The following ARSF variants were observed in gnomAD, a reference collection of about 807,000 sequenced individuals.
The protein encoded by ARSF is arylsulfatase F.
ARSF carries 33 observed loss-of-function variants against 35.4 expected under a neutral mutation model. That is an observed-to-expected ratio of 0.93 (90% CI 0.71 to 1.25). The LOEUF (loss-of-function observed/expected upper bound fraction) is 1.25. Among genes scored for constraint, ARSF ranks in the 50% most tolerant of loss-of-function variants. The probability of loss-of-function intolerance (pLI) is 0.00; values close to 1 mark genes in which losing one functional copy is unlikely to be tolerated. For synonymous variants in ARSF, 222 were observed against 193.1 expected (o/e 1.15, Z -1.24); for missense variants, 501 against 480.2 (o/e 1.04, Z -0.40).
At chrX:3,076,336 G>T (rs2090149256) in intron 3 of ARSF, among the ~76,000 whole-genome samples, 1 of 104,472 alleles carries the variant, frequency 9.6e-6, no homozygotes, top group Non-Finnish European at 2.0e-5. Context: ...TTTCTCGTTT[G>T]TCTCTCTCTC....
chrX:3,080,920 A>G lies in ARSF; in HGVS notation c.313A>G (p.Ile105Val), dbSNP rs183383325. 21 of 1,210,105 alleles carry G rather than the reference A, an allele frequency of 1.7e-5. 1 individual carries two copies. The African/African-American group carries it at 3.3e-4, about 19-fold the overall frequency. Residue 105 changes from isoleucine (I) to valine (V), a missense_variant, in exon 5 of 11, where the codon ATC becomes GTC. Physicochemically the swap from Ile to Val is conservative, Grantham distance 29. Coordinates refer to ENST00000381127, the MANE Select transcript of ARSF (RefSeq NM_001201539.2). Reference protein sequence around the residue: ...GMVSSGNRRVIQNLAVPAGLP... With the variant: ...GMVSSGNRRVVQNLAVPAGLP... Reference sequence around the variant, plus strand: ...GGTTTCTAGTGGTAATAGACGTGTCATCCAAAATCTTGCAGTCCCCGCAGG... The same window carrying G: ...GGTTTCTAGTGGTAATAGACGTGTCGTCCAAAATCTTGCAGTCCCCGCAGG...
In ARSF at chrX:3,081,020, C is replaced by T. The variant is rs371667500; in HGVS notation, c.406+7C>T. Reference sequence around the variant, plus strand: ...TACAGCACGGGGCTTATAGGTAAGACACAAGAATTGGTGTTAGTCATTGAT... The same window carrying T: ...TACAGCACGGGGCTTATAGGTAAGATACAAGAATTGGTGTTAGTCATTGAT... On this transcript the variant is annotated splice_region_variant and intron_variant, in intron 5 of 10. Transcript: ENST00000381127. 8.9e-5 allele frequency: 108 copies of T among 1,206,826 alleles called. No individual in the cohort carries two copies. The highest frequency in any genetic ancestry group is 4.3e-4 in the South Asian group (24 of 56,059).
chrX:3,104,877 T>C (rs781366636), intron 9 of ARSF, among the ~76,000 whole-genome samples: 1 of 112,086 alleles, frequency 8.9e-6, no homozygotes, highest in African/African-American at 3.2e-5. Flanking sequence ...ATAATCCTAG[T>C]CTCTGGTGTG....
intron 10 of ARSF, 148 bp downstream of exon 10, chrX:3,110,400 T>G (rs2090437402): frequency 3.1e-6 from 2 of 655,427 alleles, no homozygotes; most frequent in African/African-American, 4.6e-5. Context: ...TTCTCAGAAT[T>G]GCTCTTCTGC....
At position 3,112,357 on chromosome X, in the gene ARSF, C is replaced by T; in HGVS notation, c.1574C>T (p.Pro525Leu). ...ESTPLTPATE[P>L]LHDFVIKKVA... The stretch of plus-strand genomic sequence containing the variant: ...ACACCCCTGACACCTGCCACAGAGC[C>T]CCTCCATGATTTTGTGATTAAAAAG... The change falls in exon 11 of 11, where the codon CCC (proline) becomes CTC (leucine). Residue 525 changes from proline (P) to leucine (L), a missense_variant. Transcript: ENST00000381127. 1 of 1,211,344 alleles carries T rather than the reference C, an allele frequency of 8.3e-7. No homozygotes were observed. Among genetic ancestry groups the T allele is most frequent in the Non-Finnish European group, 1.1e-6 (1 of 895,404 alleles).
chrX:3,075,454 T>A (rs1193290952), intron 3 of ARSF, among the ~76,000 whole-genome samples: 1 of 103,040 alleles, frequency 9.7e-6, no homozygotes, highest in Non-Finnish European at 2.0e-5. Context: ...TTTCTATGCC[T>A]ATGCGTGTCT....
In ARSF at chrX:3,101,067, T is replaced by C. The variant is rs756439112; in HGVS notation, c.968-20T>C. The C allele has an allele frequency of 1.4e-5, 17 of 1,201,186 alleles. No homozygotes were observed. Among genetic ancestry groups the C allele is most frequent in the Non-Finnish European group, 1.6e-5 (14 of 889,073 alleles). ...CTCATAATGTCATTATTTTTACTTG[T>C]CTCTTGTATATTATTTTAGGCAAGA... On this transcript the variant is annotated intron_variant, in intron 7 of 10. Coordinates refer to ENST00000381127, the MANE Select transcript of ARSF (RefSeq NM_001201539.2).
intron 2 of ARSF, among the ~76,000 whole-genome samples, chrX:3,071,396 C>G (rs970998456): frequency 9.0e-6 from 1 of 110,520 alleles, no homozygotes; most frequent in African/African-American, 3.3e-5. Context: ...CTCCGCCTCC[C>G]GGGTTCAAGT....
chrX:3,085,977 C>T (rs1207478124), intron 6 of ARSF, among the ~76,000 whole-genome samples: 3 of 110,268 alleles, frequency 2.7e-5, no homozygotes, highest in Non-Finnish European at 5.7e-5. Context: ...GCTGAGATCA[C>T]GCCATTGCAC....
chrX:3,047,367 A>G (rs2089979670), intron 1 of ARSF, among the ~76,000 whole-genome samples: 1 of 110,290 alleles, frequency 9.1e-6, no homozygotes, highest in Admixed American at 9.8e-5. Context: ...TTTGGTAGAG[A>G]TGGAATTTCA....
chrX:3,076,948 A>C (rs1481775991), intron 4 of ARSF, among the ~76,000 whole-genome samples: 1 of 111,639 alleles, frequency 9.0e-6, no homozygotes, highest in Non-Finnish European at 1.9e-5. Context: ...TGGGAGGCTG[A>C]AGTGGGAGGA....
chrX:3,110,217 A>G lies in ARSF; in HGVS notation c.1355A>G (p.Tyr452Cys), dbSNP rs766917752. ...TTTCTTTTCCACTACTGTGGCTCCTACCTGCACGCCGTGCGGTGGATCCCC... is the reference window on the plus strand; with the variant it reads ...TTTCTTTTCCACTACTGTGGCTCCTGCCTGCACGCCGTGCGGTGGATCCCC... ...HEFLFHYCGS[Y>C]LHAVRWIPKD... Residue 452 changes from tyrosine to cysteine, a missense_variant, in exon 10 of 11, where the codon TAC (tyrosine) becomes TGC (cysteine). By Grantham distance (194) the Tyr-to-Cys change is radical (BLOSUM62 -2). Coordinates refer to ENST00000381127, the MANE Select transcript of ARSF (RefSeq NM_001201539.2). 1 of 1,198,108 alleles carries G rather than the reference A, an allele frequency of 8.3e-7. No homozygotes were observed. The highest frequency in any genetic ancestry group is 2.2e-5 in the Admixed American group (1 of 44,913).
chrX:3,042,844 A>G (rs1449990765), intron 1 of ARSF, among the ~76,000 whole-genome samples: 1 of 110,941 alleles, frequency 9.0e-6, no homozygotes, highest in Non-Finnish European at 1.9e-5. Context: ...TGGTAAAAGG[A>G]ACCAAGAAAC....
rs576027563 is a variant in ARSF, at chrX:3,092,001, A to G, written c.967+2369A>G. On this transcript the variant is annotated intron_variant, in intron 7 of 10. Transcript: ENST00000381127. The stretch of plus-strand genomic sequence containing the variant: ...AGATTATAGATGGATACATGAATAG[A>G]AAGATGAATAAACAGATATATAGAT... Among the ~76,000 whole-genome samples, 9 of 111,353 alleles carry G rather than the reference A, an allele frequency of 8.1e-5. No individual in the cohort carries two copies. In the Admixed American group the frequency reaches 8.6e-4, roughly 11 times the overall value.
chrX:3,045,087 G>C (rs2089969440), intron 1 of ARSF, among the ~76,000 whole-genome samples: 1 of 111,707 alleles, frequency 9.0e-6, no homozygotes, highest in Non-Finnish European at 1.9e-5. Context: ...AATGTTTAGA[G>C]GCTATTTAAA....
chrX:3,064,636 G>A (rs2090055704), intron 1 of ARSF, among the ~76,000 whole-genome samples: 1 of 111,304 alleles, frequency 9.0e-6, no homozygotes, highest in Non-Finnish European at 1.9e-5. Flanking sequence ...TCAAAAAGTG[G>A]GCAAAGGATA....
chrX:3,042,971 A>G (rs1174852261), intron 1 of ARSF, among the ~76,000 whole-genome samples: 1 of 109,824 alleles, frequency 9.1e-6, no homozygotes, highest in African/African-American at 3.3e-5. Context: ...CCTGACCAAC[A>G]CAGTGAAACC....
intron 1 of ARSF, among the ~76,000 whole-genome samples, chrX:3,055,342 CAAAAAAAAA>C (rs770014108): frequency 8.0e-4 from 26 of 32,463 alleles, no homozygotes; most frequent in Non-Finnish European, 1.4e-3. Flanking sequence ...AACTCCATTT[CAAAAAAAAA>C]AAAAAAAAAA....
chrX:3,057,987 CT>C (rs1192280806), intron 1 of ARSF, among the ~76,000 whole-genome samples: 2 of 111,847 alleles, frequency 1.8e-5, no homozygotes, highest in Admixed American at 1.9e-4. Flanking sequence ...AAATCATGAC[CT>C]GTAATAGGAC....
Sources: allele counts gnomAD v4.1 joint callset (sites outside exome capture counted in the v4.1 genomes callset), GRCh38; gene constraint gnomAD v4.1.1; transcripts MANE v1.5; gene names NCBI Gene and HGNC (gene_info 2026-07-23, HGNC 2026-07-21).